CUL2: variants seen among roughly 807,000 people sequenced by gnomAD.
CUL2 encodes cullin-2.
A neutral mutation model predicts 110.2 loss-of-function variants in CUL2; 22 were observed. That is an observed-to-expected ratio of 0.20 (90% confidence interval 0.14 to 0.28). The LOEUF (loss-of-function observed/expected upper bound fraction) is 0.28. CUL2 is among the 10% of genes least tolerant of loss of function. The pLI is 1.00. For missense variants in CUL2, 631 were observed against 905.5 expected, an observed-to-expected ratio of 0.70 and a Z score of 3.89; for synonymous variants, 279 against 293.2, an observed-to-expected ratio of 0.95 and a Z score of 0.49.
chr10:35,102,375 C>T (rs1175075806), intron 1 of CUL2, among the ~76,000 whole-genome samples: 1 of 152,074 alleles, frequency 6.6e-6, no homozygotes, highest in African/African-American at 2.4e-5. Flanking sequence ...AGTTCAAGAC[C>T]AGCCTGGCCA....
In CUL2 at chr10:35,031,632, T is replaced by C; in HGVS notation, c.1171-13A>G. 1 of 1,613,646 alleles carries C rather than the reference T, an allele frequency of 6.2e-7. No individual in the cohort carries two copies. Among genetic ancestry groups the C allele is most frequent in the Non-Finnish European group, 8.5e-7 (1 of 1,179,910 alleles). On this transcript the variant is annotated splice_polypyrimidine_tract_variant and intron_variant, in intron 12 of 20. Transcript: ENST00000374749. The surrounding 1 kb of genome is among the most constrained non-coding windows in gnomAD (Gnocchi z 4.4). ...AGTACTTAGCAAGCTCATGTAGAAATTGATAATAAATCTTACAAAGGGTGC... is the reference window on the plus strand; with the variant it reads ...AGTACTTAGCAAGCTCATGTAGAAACTGATAATAAATCTTACAAAGGGTGC...
chr10:35,081,605 A>T (rs1256805074), intron 1 of CUL2, among the ~76,000 whole-genome samples: 1 of 152,152 alleles, frequency 6.6e-6, no homozygotes, highest in African/African-American at 2.4e-5. Context: ...TTGAGAACAA[A>T]TTTTTTGGCT....
chr10:35,053,805 A>G (rs1331583094), intron 5 of CUL2, among the ~76,000 whole-genome samples: 2 of 152,106 alleles, frequency 1.3e-5, no homozygotes, highest in Non-Finnish European at 2.9e-5. Context: ...TTAATTTCCT[A>G]TTTGGCATCT....
intron 6 of CUL2, among the ~76,000 whole-genome samples, chr10:35,045,195 T>C (rs1416393371): frequency 6.6e-6 from 1 of 152,242 alleles, no homozygotes; most frequent in African/African-American, 2.4e-5. Context: ...AAAACTTTAA[T>C]ACTGGCGGTT....
chr10:35,092,231 C>T (rs766733024), upstream of CUL2, among the ~76,000 whole-genome samples: 1 of 152,216 alleles, frequency 6.6e-6, no homozygotes, highest in Non-Finnish European at 1.5e-5. Context: ...TCTGGGATTA[C>T]AGGAGTGAGC....
rs58058299 is a variant in CUL2 at position 35,009,201 on chromosome 10, T to TTATATATA, written c.*1102_*1109dup. ...CTGTTGAGATATATATATATATATA[T>TTATATATA]TATATATATATATATATATAAAATA... On this transcript the variant is annotated 3_prime_UTR_variant, in exon 21 of 21. Transcript: ENST00000374749. 68 of 137,886 alleles carry TTATATATA rather than the reference T, an allele frequency of 4.9e-4. No individual in the cohort carries two copies. The highest frequency in any genetic ancestry group is 1.7e-3 in the East Asian group (8 of 4,758). 8.5% of individuals were successfully genotyped at this position (137,886 alleles called of 1,614,324 possible). A position where few individuals can be genotyped will look rare whatever the true frequency, so the allele number is the denominator to read the frequency against.
chr10:35,038,399 G>A (rs529082480), intron 9 of CUL2, among the ~76,000 whole-genome samples: 16 of 149,770 alleles, frequency 1.1e-4, no homozygotes, highest in African/African-American at 3.7e-4. Context: ...GGTGATGAGC[G>A]CCTGTAATCC....
At chr10:35,021,155 A>G (rs2085170950) in intron 17 of CUL2, among the ~76,000 whole-genome samples, 1 of 151,898 alleles carries the variant, frequency 6.6e-6, no homozygotes, top group African/African-American at 2.4e-5. Context: ...GGAGCACATT[A>G]CAGTCTCTGC....
Position 35,103,449 on chromosome 10 carries a change from C to A in CUL2, c.-50-2389G>T, listed in dbSNP as rs549572779. Among the ~76,000 whole-genome samples the A allele has an allele frequency of 6.3e-3, 948 of 150,744 alleles. 11 individuals are homozygous for A. Among genetic ancestry groups the A allele is most frequent in the African/African-American group, 0.022 (893 of 41,146 alleles). ...ACGCCATTCTCCTGCCTCAGCCTCC[C>A]GAGTAGCTGGGACTACAGGCGCGCG... On this transcript the variant is annotated intron_variant, in intron 1 of 5. Coordinates refer to the CUL2 transcript ENST00000685421.
At chr10:35,045,691 T>G (rs898435054) in intron 6 of CUL2, among the ~76,000 whole-genome samples, 3 of 151,996 alleles carry the variant, frequency 2.0e-5, no homozygotes, top group African/African-American at 7.3e-5. Context: ...CACTCCAGCC[T>G]GGGTGACAGA....
chr10:35,083,227 T>C lies in CUL2; in HGVS notation c.-23+6952A>G, dbSNP rs565625466. Among the ~76,000 whole-genome samples, 13 of 151,294 alleles carry C rather than the reference T, an allele frequency of 8.6e-5. No homozygotes were observed. In the South Asian group the frequency reaches 1.9e-3, roughly 22 times the overall value. On this transcript the variant is annotated intron_variant, in intron 1 of 20. Coordinates refer to ENST00000374749, the MANE Select transcript of CUL2 (RefSeq NM_003591.4). ...ATTTCCCACCGTCAGAAAATAGCAG[T>C]TATAAATAAAGGGGAAAGGCAAGCA...
rs1421316912 is a variant in CUL2 at position 35,090,211 on chromosome 10, A to C, written c.-55T>G. ...AGAAGCAGGGCAAGGGGCAGGGGAC[A>C]AGGGGAGGGGGAGGCAGCCCGAAGG... On this transcript the variant is annotated 5_prime_UTR_variant, in exon 1 of 21. Transcript: ENST00000374749. The C allele has an allele frequency of 6.5e-6, 1 of 153,298 alleles. No homozygotes were observed. The highest frequency in any genetic ancestry group is 2.4e-5 in the African/African-American group (1 of 41,448). 9.5% of individuals were successfully genotyped at this position (153,298 alleles called of 1,614,324 possible).
At chr10:35,109,124 G>A (rs2087498600) in intron 1 of CUL2, among the ~76,000 whole-genome samples, 3 of 152,092 alleles carry the variant, frequency 2.0e-5, no homozygotes, top group Admixed American at 2.0e-4. Context: ...GAGGTAAGAG[G>A]ATTGCTTGAG....
In CUL2 at chr10:35,071,696, T is replaced by C. The variant is rs186262181; in HGVS notation, c.-22-357A>G. On this transcript the variant is annotated intron_variant, in intron 1 of 20. Coordinates refer to ENST00000374749, the MANE Select transcript of CUL2 (RefSeq NM_003591.4). ...GTGCTGGGATTACAGGCATGAACCA[T>C]CACACCCGGCCAGTTATTTGTTTTT... Among the ~76,000 whole-genome samples the C allele has an allele frequency of 2.7e-3, 409 of 152,244 alleles. 3 individuals carry two copies. Among genetic ancestry groups the C allele is most frequent in the African/African-American group, 8.3e-3 (345 of 41,546 alleles).
At chr10:35,102,570 T>C (rs1194218228) in intron 1 of CUL2, among the ~76,000 whole-genome samples, 1 of 151,424 alleles carries the variant, frequency 6.6e-6, no homozygotes, top group Non-Finnish European at 1.5e-5. Context: ...AGACTCTGTC[T>C]CAAAAAAATA....
intron 8 of CUL2, among the ~76,000 whole-genome samples, chr10:35,043,821 C>T (rs2085861466): frequency 6.6e-6 from 1 of 152,024 alleles, no homozygotes; most frequent in Non-Finnish European, 1.5e-5. Flanking sequence ...AATCCCAGCG[C>T]TTTGGGAGGC....
rs199618380 is a variant in CUL2, at chr10:35,025,203, A to G, written c.1618-5T>C. The G allele has an allele frequency of 0.05, 8,030 of 161,414 alleles. 8 individuals carry two copies. The highest frequency in any genetic ancestry group is 0.064 in the Non-Finnish European group (6,880 of 106,672). The allele number at this position is 161,414 out of a possible 1,614,324, so 10.0% of individuals were successfully genotyped here. A position where few individuals can be genotyped will look rare whatever the true frequency, so the allele number is the denominator to read the frequency against. ...TTGGCTATAAAATAATTCAAACTGT[A>G]AAAAAAAAAAAAAAACACACATTAT... On this transcript the variant is annotated splice_polypyrimidine_tract_variant and splice_region_variant and intron_variant, in intron 16 of 20. Transcript: ENST00000374749.
intron 16 of CUL2, among the ~76,000 whole-genome samples, chr10:35,027,815 G>A (rs1202059849): frequency 2.0e-5 from 3 of 152,090 alleles, no homozygotes; most frequent in Non-Finnish European, 4.4e-5. Context: ...AGTATTTTTG[G>A]AATCAGAATT....
chr10:35,113,129 G>A (rs1333792729), intron 1 of CUL2, among the ~76,000 whole-genome samples: 1 of 138,772 alleles, frequency 7.2e-6, no homozygotes, highest in Admixed American at 8.0e-5. Context: ...ATAGCAGTGA[G>A]CTGAGACCGA....
Sources: allele counts gnomAD v4.1 joint callset (sites outside exome capture counted in the v4.1 genomes callset), GRCh38; gene constraint gnomAD v4.1.1; non-coding constraint Gnocchi (gnomAD v3.1); transcripts MANE v1.5; gene names NCBI Gene and HGNC (gene_info 2026-07-23, HGNC 2026-07-21).